The following RIC8B variants were observed in gnomAD, a reference collection of about 807,000 sequenced individuals.
RIC8B encodes RIC8 guanine nucleotide exchange factor B.
A neutral mutation model predicts 57.5 loss-of-function variants in RIC8B; 16 were observed. The ratio of observed to expected loss-of-function variants is 0.28; its 90% CI spans 0.19 to 0.42. The LOEUF (loss-of-function observed/expected upper bound fraction) is 0.42, where lower values mean the gene tolerates loss of function less well. RIC8B is among the 10% of genes least tolerant of loss of function. The probability of loss-of-function intolerance (pLI) is 1.00; values close to 1 mark genes in which losing one functional copy is unlikely to be tolerated. For synonymous variants in RIC8B, 216 were observed against 250.8 expected (o/e 0.86, Z 1.31); for missense variants, 481 against 677.0 (o/e 0.71, Z 3.21).
At chr12:106,862,141 T>C (rs1048131831) in intron 8 of RIC8B, among the ~76,000 whole-genome samples, 1 of 152,116 alleles carries the variant, frequency 6.6e-6, no homozygotes, top group Admixed American at 6.6e-5. Flanking sequence ...TACTTAAGCC[T>C]TACATCCCTA....
At chr12:106,853,378 T>C (rs1195027078) in intron 7 of RIC8B, among the ~76,000 whole-genome samples, 1 of 150,774 alleles carries the variant, frequency 6.6e-6, no homozygotes, top group Non-Finnish European at 1.5e-5. Context: ...CATAGTCCTG[T>C]CTTTGAGCCC....
At chr12:106,845,056 CT>C (rs1285985995) in intron 6 of RIC8B, among the ~76,000 whole-genome samples, 1 of 152,120 alleles carries the variant, frequency 6.6e-6, no homozygotes, top group African/African-American at 2.4e-5. Context: ...GCCTTCTCTC[CT>C]TACCCAGGCT....
rs778697988 is a variant in RIC8B at position 106,860,320 on chromosome 12, G to A, written c.1359G>A (p.Ala453=). ...ATGGGAATGCTGCAGGACTGTTGGC[G>A]GCCAGGGGCCTCTTGGCTGGAGGAA... ...TGYGNAAGLL[A]ARGLLAGGRG... is the part of the protein sequence containing the mutation. Residue 453 remains alanine (A), a synonymous_variant, in exon 8 of 10, where the codon GCG becomes GCA. Transcript: ENST00000392837. The A allele has an allele frequency of 5.6e-5, 90 of 1,608,620 alleles. 3 individuals carry two copies. In the Middle Eastern group the frequency reaches 5.8e-3, roughly 103 times the overall value.
At chr12:106,868,198 G>T (rs1474576337) in intron 8 of RIC8B, 6 of 436,950 alleles carry the variant, frequency 1.4e-5, no homozygotes, top group Middle Eastern at 3.3e-4. Context: ...CAGCTTACCA[G>T]TGTGTCCTCC....
At chr12:106,845,087 T>C (rs1949125454) in intron 6 of RIC8B, among the ~76,000 whole-genome samples, 2 of 152,166 alleles carry the variant, frequency 1.3e-5, no homozygotes, top group Non-Finnish European at 2.9e-5. Flanking sequence ...CTGAGGTTCA[T>C]TACTATAATC....
At chr12:106,824,378 G>A (rs1593217032) in intron 3 of RIC8B, among the ~76,000 whole-genome samples, 1 of 152,126 alleles carries the variant, frequency 6.6e-6, no homozygotes, top group East Asian at 1.9e-4. Context: ...ATTTCAGTTA[G>A]GCCACTGAGG....
chr12:106,792,533 C>G (rs1469801054), intron 2 of RIC8B, among the ~76,000 whole-genome samples: 7 of 152,136 alleles, frequency 4.6e-5, no homozygotes, highest in Non-Finnish European at 1.0e-4. Context: ...TACAGATCTG[C>G]TCCCTAATGG....
intron 2 of RIC8B, among the ~76,000 whole-genome samples, chr12:106,808,707 ATTC>A (rs1358197100): frequency 1.3e-5 from 2 of 152,228 alleles, no homozygotes; most frequent in South Asian, 2.1e-4. Flanking sequence ...TCAATGGACA[ATTC>A]TTCTAAGTAG....
At chr12:106,810,675 T>C (rs1394363563) in intron 2 of RIC8B, among the ~76,000 whole-genome samples, 1 of 152,110 alleles carries the variant, frequency 6.6e-6, no homozygotes, top group Non-Finnish European at 1.5e-5. Context: ...AAGCTCAATA[T>C]GAGATAATTT....
intron 8 of RIC8B, among the ~76,000 whole-genome samples, chr12:106,869,233 A>G (rs1381930246): frequency 6.6e-6 from 1 of 152,162 alleles, no homozygotes; most frequent in Non-Finnish European, 1.5e-5. Flanking sequence ...GTCCTTCCAT[A>G]AGAATTGGTA....
chr12:106,791,603 T>A (rs1057349290), intron 2 of RIC8B, among the ~76,000 whole-genome samples: 3 of 152,220 alleles, frequency 2.0e-5, no homozygotes, highest in African/African-American at 7.2e-5. Flanking sequence ...TTTTCTTTTT[T>A]TCCCCCAGAC....
chr12:106,820,518 G>C (rs527740354), intron 3 of RIC8B, among the ~76,000 whole-genome samples: 4 of 152,256 alleles, frequency 2.6e-5, no homozygotes, highest in Admixed American at 6.5e-5. Flanking sequence ...TCTGTTGATG[G>C]AAGAGAGCAT....
In RIC8B at chr12:106,879,566, T is replaced by G. The variant is rs1186690896; in HGVS notation, c.1572-6338T>G. 1.0e-6 allele frequency: 1 copy of G among 985,042 alleles called. No individual in the cohort carries two copies. Among genetic ancestry groups the G allele is most frequent in the Non-Finnish European group, 1.2e-6 (1 of 829,802 alleles). The allele number at this position is 985,042 out of a possible 1,614,324, so 61.0% of individuals were successfully genotyped here. On this transcript the variant is annotated intron_variant, in intron 9 of 9. Coordinates refer to ENST00000392837, the MANE Select transcript of RIC8B (RefSeq NM_001330145.2). The surrounding 1 kb of genome is among the most constrained non-coding windows in gnomAD (Gnocchi z 4.9). ...AAAACAGACCAGAATATTTTAAATA[T>G]GGTGTAAATTCCGTATCTCCCATCC... is the stretch of plus-strand genomic sequence containing the variant.
chr12:106,780,204 C>T lies in RIC8B; in HGVS notation c.85-3793C>T, dbSNP rs61568847. Among the ~76,000 whole-genome samples, 251 of 152,266 alleles carry T rather than the reference C, an allele frequency of 1.6e-3. 4 individuals carry two copies. The East Asian group carries it at 0.042, about 26-fold the overall frequency. On this transcript the variant is annotated intron_variant, in intron 1 of 9. Transcript: ENST00000392837. ...CCTCGTTTAATAGATGACTCATCAA[C>T]TATGATGATAACCAGAGACGTGGCT... is the stretch of plus-strand genomic sequence containing the variant.
intron 2 of RIC8B, among the ~76,000 whole-genome samples, chr12:106,803,215 C>CAAAAAAAAAAAAGA (rs2044828542): frequency 1.2e-5 from 1 of 84,000 alleles, no homozygotes; most frequent in African/African-American, 4.9e-5. Flanking sequence ...TACCCTGTCT[C>CAAAAAAAAAAAAGA]AAAAAAAAAA....
At chr12:106,814,481 T>C (rs183262025) in intron 2 of RIC8B, among the ~76,000 whole-genome samples, 33 of 152,320 alleles carry the variant, frequency 2.2e-4, no homozygotes, top group African/African-American at 7.5e-4. Flanking sequence ...TTAATCTTTA[T>C]TTCTGGGAAG....
rs149298855 is a variant in RIC8B, at chr12:106,783,712, G to C, written c.85-285G>C. Among the ~76,000 whole-genome samples, 577 of 152,224 alleles carry C rather than the reference G, an allele frequency of 3.8e-3. 2 individuals are homozygous for C. Among genetic ancestry groups the C allele is most frequent in the African/African-American group, 0.013 (547 of 41,542 alleles). On this transcript the variant is annotated intron_variant, in intron 1 of 9. Transcript: ENST00000392837. Reference sequence around the variant, plus strand: ...TGGCAAACTCCTGTTTATCCCTCACGATCCAACACAAATGCTCTGTATTCT... The same window carrying C: ...TGGCAAACTCCTGTTTATCCCTCACCATCCAACACAAATGCTCTGTATTCT...
At chr12:106,870,553 T>G (rs1593372586) in intron 8 of RIC8B, among the ~76,000 whole-genome samples, 2 of 152,144 alleles carry the variant, frequency 1.3e-5, no homozygotes, top group African/African-American at 4.8e-5. Flanking sequence ...AATTTTGTAT[T>G]TTTAAAAAGC....
chr12:106,826,099 C>G (rs770944220), intron 4 of RIC8B, among the ~76,000 whole-genome samples: 10 of 152,116 alleles, frequency 6.6e-5, no homozygotes, highest in Non-Finnish European at 1.0e-4. Context: ...TTGGTTTTAT[C>G]CAGAACAACA....
Sources: allele counts gnomAD v4.1 joint callset (sites outside exome capture counted in the v4.1 genomes callset), GRCh38; gene constraint gnomAD v4.1.1; non-coding constraint Gnocchi (gnomAD v3.1); transcripts MANE v1.5; gene names NCBI Gene and HGNC (gene_info 2026-07-23, HGNC 2026-07-21).